The following COQ3 variants were observed in gnomAD, a reference collection of about 807,000 sequenced individuals.
The protein encoded by COQ3 is ubiquinone biosynthesis O-methyltransferase, mitochondrial.
Under a neutral mutation model 33.1 loss-of-function variants are expected in COQ3, and 29 were observed. That is an observed-to-expected ratio of 0.88 (90% CI 0.65 to 1.19). The LOEUF (loss-of-function observed/expected upper bound fraction) is 1.19. COQ3 is among the 50% of genes most tolerant of loss of function. The pLI is 0.00. For missense variants in COQ3, 437 were observed against 430.7 expected (o/e 1.01, Z -0.13); for synonymous variants, 173 against 157.8 (o/e 1.10, Z -0.72).
chr6:99,369,758 A>T lies in COQ3; in HGVS notation c.952T>A (p.Trp318Arg), dbSNP rs753506803. The T allele has an allele frequency of 5.6e-6, 9 of 1,613,708 alleles. No individual in the cohort carries two copies. The East Asian group carries it at 1.8e-4, about 32-fold the overall frequency. Reference sequence around the variant, plus strand: ...TAGTTAAGGCTGGTATTTTCACTCCAATGCCAGTAACCTGAGAAGGGGTTA... The same window carrying T: ...TAGTTAAGGCTGGTATTTTCACTCCTATGCCAGTAACCTGAGAAGGGGTTA... ...LYNPFSGYWH[W>R]SENTSLNYAA... Residue 318 changes from tryptophan (W) to arginine (R), a missense_variant, in exon 7 of 7, where the codon TGG becomes AGG. By Grantham distance (101) the Trp-to-Arg change is moderately radical. Transcript: ENST00000254759.
intron 1 of COQ3, among the ~76,000 whole-genome samples, chr6:99,385,884 G>C (rs150715379): frequency 7.6e-4 from 112 of 148,314 alleles, no homozygotes; most frequent in African/African-American, 2.6e-3. Context: ...GGCTGAGGCA[G>C]AAGAATCGCT....
At chr6:99,384,284 A>G (rs1774554712) in intron 1 of COQ3, among the ~76,000 whole-genome samples, 1 of 152,192 alleles carries the variant, frequency 6.6e-6, no homozygotes, top group African/African-American at 2.4e-5. Context: ...ATTTTACCTA[A>G]AAAATAAAAT....
At chr6:99,385,718 A>AGCACTTTGG (rs1292952045) in intron 1 of COQ3, among the ~76,000 whole-genome samples, 24 of 152,154 alleles carry the variant, frequency 1.6e-4, no homozygotes, top group Middle Eastern at 3.2e-3. Flanking sequence ...CTGTAATCCC[A>AGCACTTTGG]GCACTTTGGG....
chr6:99,375,829 A>G (rs1774265142), intron 5 of COQ3, 111 bp downstream of exon 5: 1 of 1,169,708 alleles, frequency 8.5e-7, no homozygotes, highest in Admixed American at 1.9e-5. Flanking sequence ...TTTCTTCTCT[A>G]CTATACCTTG....
intron 3 of COQ3, 72 bp from the exon 4 acceptor site, chr6:99,377,557 G>A: frequency 9.8e-7 from 1 of 1,025,182 alleles, no homozygotes; most frequent in Non-Finnish European, 1.4e-6. Flanking sequence ...AAAGTGTGTA[G>A]TTTTCAAGGA....
intron 1 of COQ3, among the ~76,000 whole-genome samples, chr6:99,388,041 G>A (rs1232293689): frequency 1.3e-5 from 2 of 152,142 alleles, no homozygotes; most frequent in South Asian, 2.1e-4. Flanking sequence ...GCACATGCCT[G>A]TAATCCCAGC....
rs76868668 is a variant in COQ3, at chr6:99,379,296, T to G, written c.386+893A>C. Among the ~76,000 whole-genome samples, 286 of 152,334 alleles carry G rather than the reference T, an allele frequency of 1.9e-3. 5 individuals carry two copies. The East Asian group carries it at 0.047, about 25-fold the overall frequency. ...TAAACAATTTGGATGCTTTTCTAAT[T>G]CATCACGTTAAGTGAGAATTCTCAC... is the stretch of plus-strand genomic sequence containing the variant. On this transcript the variant is annotated intron_variant, in intron 3 of 6. Transcript: ENST00000254759.
rs757301529 is a variant in COQ3, at chr6:99,371,477, T to G, written c.840A>C (p.Thr280=). 3.7e-6 allele frequency: 6 copies of G among 1,605,642 alleles called. No individual in the cohort carries two copies. In the Admixed American group the frequency reaches 5.1e-5, roughly 14 times the overall value. Reference sequence around the variant, plus strand: ...TTTCAGGTGAAACAAACTTCTCCCATGTATGAGTACCTTTTGGTACAATAC... The same window carrying G: ...TTTCAGGTGAAACAAACTTCTCCCAGGTATGAGTACCTTTTGGTACAATAC... ...IASIVPKGTH[T]WEKFVSPETL... Residue 280 remains threonine (T), a synonymous_variant, in exon 6 of 7, where the codon ACA becomes ACC. Coordinates refer to ENST00000254759, the MANE Select transcript of COQ3 (RefSeq NM_017421.4).
At chr6:99,374,747 C>G (rs984793183) in intron 5 of COQ3, among the ~76,000 whole-genome samples, 1 of 152,076 alleles carries the variant, frequency 6.6e-6, no homozygotes, top group Non-Finnish European at 1.5e-5. Flanking sequence ...TGCCTAGAGA[C>G]CTCTGACATC....
intron 1 of COQ3, 80 bp downstream of exon 1, chr6:99,393,994 C>T: frequency 8.1e-7 from 1 of 1,228,446 alleles, no homozygotes. Context: ...GACAACCCAC[C>T]GCCCCACCCC....
intron 3 of COQ3, among the ~76,000 whole-genome samples, chr6:99,378,259 T>C (rs1774365064): frequency 6.6e-6 from 1 of 150,904 alleles, no homozygotes; most frequent in South Asian, 2.1e-4. Flanking sequence ...ATATCTTCTA[T>C]TGCCATTAAA....
At chr6:99,383,368 T>C (rs1249149988) in intron 2 of COQ3, among the ~76,000 whole-genome samples, 2 of 152,260 alleles carry the variant, frequency 1.3e-5, no homozygotes, top group African/African-American at 2.4e-5. Flanking sequence ...CACTGCATTG[T>C]TTGTGTCTTG....
chr6:99,378,914 T>C (rs548969650), intron 3 of COQ3, among the ~76,000 whole-genome samples: 2 of 151,708 alleles, frequency 1.3e-5, no homozygotes, highest in Admixed American at 1.3e-4. Context: ...GATGAATACA[T>C]AAATGGACAG....
At chr6:99,391,186 C>A (rs1774818449) in intron 1 of COQ3, among the ~76,000 whole-genome samples, 1 of 151,606 alleles carries the variant, frequency 6.6e-6, no homozygotes, top group Non-Finnish European at 1.5e-5. Flanking sequence ...GTAGCCTCTA[C>A]CTCCTGGGCT....
chr6:99,376,097 T>TCAAATGATTTATGGCATTGTGCTGTTTTA lies in COQ3; in HGVS notation c.543_571dup (p.Asp191ValfsTer18). On this transcript the variant is annotated frameshift_variant, in exon 5 of 7. Coordinates refer to ENST00000254759, the MANE Select transcript of COQ3 (RefSeq NM_017421.4). LOFTEE classifies it high-confidence loss of function. ...CTCTATTCTCTTATCCAGGACTGGA[T>TCAAATGATTTATGGCATTGTGCTGTTTTA]CAAATGATTTATGGCATTGTGCTGT... 6.2e-7 allele frequency: 1 copy of TCAAATGATTTATGGCATTGTGCTGTTTTA among 1,614,148 alleles called. No individual in the cohort carries two copies. The highest frequency in any genetic ancestry group is 8.5e-7 in the Non-Finnish European group (1 of 1,180,010).
At chr6:99,393,195 T>G (rs1774878154) in intron 1 of COQ3, among the ~76,000 whole-genome samples, 1 of 151,234 alleles carries the variant, frequency 6.6e-6, no homozygotes. Flanking sequence ...TTTGTAACTT[T>G]TTTTTTTTTT....
At chr6:99,393,338 A>G (rs1774881162) in intron 1 of COQ3, among the ~76,000 whole-genome samples, 1 of 152,208 alleles carries the variant, frequency 6.6e-6, no homozygotes, top group Non-Finnish European at 1.5e-5. Flanking sequence ...GTACCAACTA[A>G]TAACCTTTAT....
intron 4 of COQ3, 115 bp from the exon 5 acceptor site, chr6:99,376,297 C>A: frequency 3.8e-6 from 4 of 1,053,376 alleles, no homozygotes; most frequent in Non-Finnish European, 5.4e-6. Flanking sequence ...TACTGGACAT[C>A]ATTTATGGGT....
At chr6:99,390,114 A>G (rs1274875422) in intron 1 of COQ3, among the ~76,000 whole-genome samples, 2 of 152,174 alleles carry the variant, frequency 1.3e-5, no homozygotes, top group Non-Finnish European at 2.9e-5. Context: ...CTCCGTCTCA[A>G]AACGACAACA....
Sources: gnomAD v4.1 joint callset for allele counts (sites outside exome capture counted in the v4.1 genomes callset) on GRCh38, gnomAD v4.1.1 for gene constraint, MANE v1.5 for transcripts, NCBI Gene and HGNC (gene_info 2026-07-23, HGNC 2026-07-21) for gene names.